Variants in SLIT3 observed in about 807,000 individuals in gnomAD.
SLIT3 encodes slit homolog 3 protein.
A neutral mutation model predicts 184.0 loss-of-function variants in SLIT3; 68 were observed. The observed-to-expected ratio is 0.37, with a 90% confidence interval of 0.30 to 0.45. The LOEUF (loss-of-function observed/expected upper bound fraction) is 0.45, where lower values mean the gene tolerates loss of function less well. Ranked by LOEUF, SLIT3 falls within the 20% of genes least tolerant of loss-of-function variation. SLIT3 has a pLI of 1.00. For missense variants in SLIT3, 1,707 were observed against 2,026.0 expected, an observed-to-expected ratio of 0.84 and a Z score of 3.02; for synonymous variants, 831 against 828.6, an observed-to-expected ratio of 1.00 and a Z score of -0.05.
chr5:168,779,763 G>T (rs1055242884), intron 12 of SLIT3, among the ~76,000 whole-genome samples: 4 of 152,248 alleles, frequency 2.6e-5, no homozygotes, highest in African/African-American at 9.6e-5. Context: ...AGGGGACCGG[G>T]GCTGGCCTGT....
intron 4 of SLIT3, among the ~76,000 whole-genome samples, chr5:169,193,184 TCAGA>T (rs1763615013): frequency 1.3e-5 from 2 of 152,116 alleles, no homozygotes; most frequent in South Asian, 4.1e-4. Context: ...TGAAGTAAGT[TCAGA>T]CCCACAATCC....
chr5:169,181,240 G>A (rs13354279), intron 4 of SLIT3, among the ~76,000 whole-genome samples: 12,215 of 152,164 alleles, frequency 0.08, 1,360 homozygotes, highest in African/African-American at 0.23. Flanking sequence ...AGCCCAAAAA[G>A]GATCTTCATT....
rs141190432 is a variant in SLIT3 at position 168,674,531 on chromosome 5, G to T, written c.3687-1200C>A. On this transcript the variant is annotated intron_variant, in intron 32 of 35. Coordinates refer to ENST00000519560, the MANE Select transcript of SLIT3 (RefSeq NM_003062.4). ...TTTTGAGATGGAGTCTCACTCTGTC[G>T]CCCAGGCTGGAGTGCAGTAGCATGA... Among the ~76,000 whole-genome samples the T allele has an allele frequency of 3.4e-3, 457 of 133,290 alleles. 2 individuals are homozygous for T. Among genetic ancestry groups the T allele is most frequent in the African/African-American group, 0.013 (439 of 34,392 alleles). The allele number at this position is 133,290 out of a possible 152,430, so 87.4% of individuals were successfully genotyped here. A position where few individuals can be genotyped will look rare whatever the true frequency, so the allele number is the denominator to read the frequency against.
At chr5:169,160,291 A>G (rs1018296784) in intron 4 of SLIT3, among the ~76,000 whole-genome samples, 1 of 152,234 alleles carries the variant, frequency 6.6e-6, no homozygotes, top group African/African-American at 2.4e-5. Context: ...TGCTCAGAGA[A>G]GTTAAGTGAC....
At chr5:168,830,084 C>A (rs958399317) in intron 6 of SLIT3, among the ~76,000 whole-genome samples, 1 of 152,148 alleles carries the variant, frequency 6.6e-6, no homozygotes, top group Non-Finnish European at 1.5e-5. Context: ...CCAGGCCCTA[C>A]GACACTCAGG....
At chr5:169,206,574 G>A (rs771814230) in intron 3 of SLIT3, among the ~76,000 whole-genome samples, 8 of 152,170 alleles carry the variant, frequency 5.3e-5, no homozygotes, top group Non-Finnish European at 1.2e-4. Context: ...CTTTTCTTTT[G>A]TTTTGAGTTA....
intron 1 of SLIT3, among the ~76,000 whole-genome samples, chr5:169,253,030 T>G (rs930585972): frequency 4.0e-5 from 6 of 151,772 alleles, no homozygotes; most frequent in African/African-American, 1.5e-4. Context: ...TAGCTTGTGA[T>G]GGAGAAAAGC....
intron 4 of SLIT3, among the ~76,000 whole-genome samples, chr5:169,108,544 A>G (rs1235044638): frequency 1.3e-5 from 2 of 152,172 alleles, no homozygotes; most frequent in Non-Finnish European, 2.9e-5. Flanking sequence ...GTAAGGGTGA[A>G]CCATGGCAGC....
In SLIT3 at chr5:169,290,409, A is replaced by G. The variant is rs115231275; in HGVS notation, c.197+10104T>C. Among the ~76,000 whole-genome samples, 1,211 of 148,882 alleles carry G rather than the reference A, an allele frequency of 8.1e-3. 14 individuals are homozygous for G. The highest frequency in any genetic ancestry group is 0.029 in the African/African-American group (1,157 of 40,226). Reference sequence around the variant, plus strand: ...CGCTAGGGCATATACTAGGGCACACACTAGGGCATACACTGGGGCACACAC... The same window carrying G: ...CGCTAGGGCATATACTAGGGCACACGCTAGGGCATACACTGGGGCACACAC... On this transcript the variant is annotated intron_variant, in intron 1 of 35. Transcript: ENST00000519560.
intron 4 of SLIT3, among the ~76,000 whole-genome samples, chr5:169,139,872 T>G (rs1326227196): frequency 6.6e-6 from 1 of 152,090 alleles, no homozygotes; most frequent in African/African-American, 2.4e-5. Flanking sequence ...TCTGCCAGCA[T>G]CCCAGGAACC....
chr5:168,848,392 A>G (rs906496182), intron 5 of SLIT3, among the ~76,000 whole-genome samples: 36 of 152,198 alleles, frequency 2.4e-4, no homozygotes, highest in African/African-American at 8.2e-4. Flanking sequence ...ACTTGAAATA[A>G]AACAAGATTT....
At chr5:168,832,166 T>C (rs889441930) in intron 6 of SLIT3, among the ~76,000 whole-genome samples, 2 of 152,234 alleles carry the variant, frequency 1.3e-5, no homozygotes, top group Admixed American at 6.5e-5. Context: ...TGTTTCATCA[T>C]CTACAGACTG....
chr5:168,797,385 G>A (rs1026514854), intron 9 of SLIT3, among the ~76,000 whole-genome samples: 1 of 152,220 alleles, frequency 6.6e-6, no homozygotes, highest in Admixed American at 6.5e-5. Flanking sequence ...GCTGGATGAT[G>A]CCTCCAGGGA....
chr5:168,751,229 G>A (rs1019490662), intron 18 of SLIT3, among the ~76,000 whole-genome samples: 6 of 152,200 alleles, frequency 3.9e-5, no homozygotes, highest in Non-Finnish European at 5.9e-5. Context: ...CTCTAACTTC[G>A]GCTTTGATTC....
At chr5:169,117,355 G>C (rs1365399190) in intron 4 of SLIT3, among the ~76,000 whole-genome samples, 1 of 152,184 alleles carries the variant, frequency 6.6e-6, no homozygotes, top group Non-Finnish European at 1.5e-5. Flanking sequence ...GACTTCCTCA[G>C]TCCAGATCCA....
chr5:169,102,627 A>C (rs1561666146), intron 4 of SLIT3, among the ~76,000 whole-genome samples: 1 of 152,156 alleles, frequency 6.6e-6, no homozygotes, highest in Non-Finnish European at 1.5e-5. Context: ...AACCATGGAT[A>C]TGGAACCCAT....
intron 5 of SLIT3, among the ~76,000 whole-genome samples, chr5:168,854,617 C>T (rs918731330): frequency 3.9e-5 from 6 of 152,228 alleles, no homozygotes; most frequent in Non-Finnish European, 8.8e-5. Flanking sequence ...ATGGCCTCTC[C>T]GGAGAAATGG....
intron 3 of SLIT3, among the ~76,000 whole-genome samples, chr5:169,193,825 A>G (rs1277665918): frequency 1.3e-5 from 2 of 152,166 alleles, no homozygotes; most frequent in African/African-American, 4.8e-5. Flanking sequence ...GACATCACTA[A>G]TGGATCACAA....
chr5:169,281,709 G>A (rs1241952368), intron 1 of SLIT3, among the ~76,000 whole-genome samples: 1 of 152,158 alleles, frequency 6.6e-6, no homozygotes, highest in Non-Finnish European at 1.5e-5. Context: ...TGAAACAATG[G>A]ATGTAAAGAT....
Sources: allele counts gnomAD v4.1 joint callset (sites outside exome capture counted in the v4.1 genomes callset), GRCh38; gene constraint gnomAD v4.1.1; transcripts MANE v1.5; gene names NCBI Gene and HGNC (gene_info 2026-07-23, HGNC 2026-07-21).